Variants in MCFD2 observed in about 807,000 individuals in gnomAD.
The protein encoded by MCFD2 is multiple coagulation factor deficiency protein 2.
A neutral mutation model predicts 12.8 loss-of-function variants in MCFD2; 11 were observed. The observed-to-expected ratio is 0.86, with a 90% CI of 0.54 to 1.42. The LOEUF (loss-of-function observed/expected upper bound fraction) is 1.42. Among genes scored for constraint, MCFD2 ranks in the 40% most tolerant of loss-of-function variants. MCFD2 has a pLI of 0.00. For missense variants in MCFD2, 191 were observed against 178.6 expected (o/e 1.07, Z -0.40); for synonymous variants, 70 against 68.1 (o/e 1.03, Z -0.14).
rs1162799167 is a variant in MCFD2, at chr2:46,902,596, C to T, written c.*2867G>A. Reference sequence around the variant, plus strand: ...TAAAATACTGAAAATCTGAAAGAGTCATCACTTAAGCCAGTAGTGTATCAT... The same window carrying T: ...TAAAATACTGAAAATCTGAAAGAGTTATCACTTAAGCCAGTAGTGTATCAT... On this transcript the variant is annotated 3_prime_UTR_variant, in exon 4 of 4. Coordinates refer to ENST00000319466, the MANE Select transcript of MCFD2 (RefSeq NM_139279.6). 3 of 152,628 alleles carry T rather than the reference C, an allele frequency of 2.0e-5. No individual in the cohort carries two copies. Among genetic ancestry groups the T allele is most frequent in the African/African-American group, 4.8e-5 (2 of 41,446 alleles). The allele number at this position is 152,628 out of a possible 1,614,324, so 9.5% of individuals were successfully genotyped here. A position where few individuals can be genotyped will look rare whatever the true frequency, so the allele number is the denominator to read the frequency against.
intron 1 of MCFD2, among the ~76,000 whole-genome samples, chr2:46,927,689 G>A (rs951918711): frequency 6.6e-6 from 1 of 151,934 alleles, no homozygotes; most frequent in Non-Finnish European, 1.5e-5. Context: ...AGGAGCAACA[G>A]ACGGCTGACT....
chr2:46,907,516 G>A lies in MCFD2; in HGVS notation c.309+294C>T, dbSNP rs1002602401. 58 of 402,494 alleles carry A rather than the reference G, an allele frequency of 1.4e-4. No individual in the cohort carries two copies. The highest frequency in any genetic ancestry group is 8.6e-4 in the African/African-American group (42 of 48,598). The allele number at this position is 402,494 out of a possible 1,614,324, so 24.9% of individuals were successfully genotyped here. A position where few individuals can be genotyped will look rare whatever the true frequency, so the allele number is the denominator to read the frequency against. On this transcript the variant is annotated intron_variant, in intron 3 of 3. Transcript: ENST00000319466. The surrounding 1 kb of genome is among the most constrained non-coding windows in gnomAD (Gnocchi z 4.1). ...CCTCCCACCTTAGCCTCCTGAGTACGTAGAACTACGGGCATGCACTACCAG... is the reference window on the plus strand; with the variant it reads ...CCTCCCACCTTAGCCTCCTGAGTACATAGAACTACGGGCATGCACTACCAG...
At chr2:46,931,192 T>TG (rs1443504444) in intron 1 of MCFD2, among the ~76,000 whole-genome samples, 1 of 152,272 alleles carries the variant, frequency 6.6e-6, no homozygotes, top group African/African-American at 2.4e-5. Context: ...CATGGCTCAC[T>TG]GCAGCTTTCA....
At chr2:46,920,028 A>G (rs1220275142), upstream of MCFD2, among the ~76,000 whole-genome samples, 2 of 152,194 alleles carry the variant, frequency 1.3e-5, no homozygotes, top group Admixed American at 1.3e-4. Flanking sequence ...GAATTCAGAT[A>G]TACTATAAAC....
intron 1 of MCFD2, among the ~76,000 whole-genome samples, chr2:46,911,472 A>G (rs1296977875): frequency 6.6e-6 from 1 of 152,066 alleles, no homozygotes; most frequent in African/African-American, 2.4e-5. Flanking sequence ...AAAAAAAGCA[A>G]TATGTCATAC....
At chr2:46,928,159 C>G (rs549209197) in intron 1 of MCFD2, among the ~76,000 whole-genome samples, 1 of 151,542 alleles carries the variant, frequency 6.6e-6, no homozygotes, top group East Asian at 1.9e-4. Context: ...CCCAAAGTGC[C>G]GGGATTACAG....
intron 1 of MCFD2, among the ~76,000 whole-genome samples, chr2:46,931,735 A>G (rs1669719894): frequency 7.0e-6 from 1 of 143,612 alleles, no homozygotes; most frequent in African/African-American, 2.7e-5. Flanking sequence ...AAATTGATAA[A>G]TCCCTGTCAA....
rs1316427350 is a variant in MCFD2, at chr2:46,902,024, T to C, written c.*3439A>G. 12 of 152,716 alleles carry C rather than the reference T, an allele frequency of 7.9e-5. No individual in the cohort carries two copies. The highest frequency in any genetic ancestry group is 7.2e-4 in the Admixed American group (11 of 15,290). 9.5% of individuals were successfully genotyped at this position (152,716 alleles called of 1,614,324 possible). A position where few individuals can be genotyped will look rare whatever the true frequency, so the allele number is the denominator to read the frequency against. ...AACCATTTTTACAAATACATATGTT[T>C]TCTTATAATACTGTAATAAAGAAAA... On this transcript the variant is annotated 3_prime_UTR_variant, in exon 4 of 4. Coordinates refer to ENST00000319466, the MANE Select transcript of MCFD2 (RefSeq NM_139279.6).
At chr2:46,939,792 A>G (rs1373631594) in intron 1 of MCFD2, among the ~76,000 whole-genome samples, 2 of 152,174 alleles carry the variant, frequency 1.3e-5, no homozygotes, top group Admixed American at 6.5e-5. Context: ...GTGACCATCA[A>G]AGGCAGCCAA....
In MCFD2 at chr2:46,921,904, A is replaced by G. The variant is rs188984120; in HGVS notation, c.-7-13935T>C. Among the ~76,000 whole-genome samples the G allele has an allele frequency of 3.4e-3, 511 of 152,302 alleles. 4 individuals carry two copies. Among genetic ancestry groups the G allele is most frequent in the African/African-American group, 0.012 (482 of 41,552 alleles). On this transcript the variant is annotated intron_variant, in intron 1 of 2. Coordinates refer to the MCFD2 transcript ENST00000409147. ...ACAGGAGGCATAGCTCAGGTTGGTAATGCTCACTCGCCCACCCAGTGCTCA... is the reference window on the plus strand; with the variant it reads ...ACAGGAGGCATAGCTCAGGTTGGTAGTGCTCACTCGCCCACCCAGTGCTCA...
upstream of MCFD2, chr2:46,917,274 A>G (rs2103787449): frequency 1.5e-6 from 1 of 685,192 alleles, no homozygotes; most frequent in African/African-American, 1.8e-5. Context: ...CTGGGATTAC[A>G]GGGGTGAGCC....
chr2:46,923,336 T>G (rs919823824), intron 1 of MCFD2, among the ~76,000 whole-genome samples: 1 of 151,228 alleles, frequency 6.6e-6, no homozygotes, highest in African/African-American at 2.5e-5. Flanking sequence ...ACCTTGGTCT[T>G]TCCAGTAAAG....
Position 46,941,802 on chromosome 2 carries a change from C to A in MCFD2, c.-238G>T. ...GCCTCCTCCAGGAAGCGCGCCCAGA[C>A]AGTCCTCGGCCGACAGCGGGCGCCT... On this transcript the variant is annotated 5_prime_UTR_variant, in exon 1 of 3. Transcript: ENST00000409147. The surrounding 1 kb of genome is among the most constrained non-coding windows in gnomAD (Gnocchi z 4.2). 3 of 1,521,778 alleles carry A rather than the reference C, an allele frequency of 2.0e-6. No homozygotes were observed. The highest frequency in any genetic ancestry group is 2.7e-6 in the Non-Finnish European group (3 of 1,127,894). The allele number at this position is 1,521,778 out of a possible 1,614,324, so 94.3% of individuals were successfully genotyped here.
At chr2:46,928,876 G>A (rs1330700929) in intron 1 of MCFD2, among the ~76,000 whole-genome samples, 3 of 152,066 alleles carry the variant, frequency 2.0e-5, no homozygotes, top group African/African-American at 7.2e-5. Context: ...CATTTATTTT[G>A]AAATTTAAAA....
chr2:46,902,481 T>C lies in MCFD2; in HGVS notation c.*2982A>G, dbSNP rs368187483. 5.2e-5 allele frequency: 8 copies of C among 152,626 alleles called. No individual in the cohort carries two copies. The highest frequency in any genetic ancestry group is 1.9e-4 in the African/African-American group (8 of 41,444). The allele number at this position is 152,626 out of a possible 1,614,324, so 9.5% of individuals were successfully genotyped here. On this transcript the variant is annotated 3_prime_UTR_variant, in exon 4 of 4. Transcript: ENST00000319466. Reference sequence around the variant, plus strand: ...AATAGAAAAGAAAGCTAAACCACTATTGATTAGAGAACACACTCAAATTCA... The same window carrying C: ...AATAGAAAAGAAAGCTAAACCACTACTGATTAGAGAACACACTCAAATTCA...
chr2:46,939,573 C>G (rs1328335186), intron 1 of MCFD2, among the ~76,000 whole-genome samples: 1 of 152,194 alleles, frequency 6.6e-6, no homozygotes, highest in African/African-American at 2.4e-5. Context: ...AGGTGCTCTA[C>G]AACCTGGGGG....
At chr2:46,931,332 C>A (rs564624838) in intron 1 of MCFD2, among the ~76,000 whole-genome samples, 1 of 152,254 alleles carries the variant, frequency 6.6e-6, no homozygotes, top group Non-Finnish European at 1.5e-5. Context: ...GCAATCCTCT[C>A]GCCTCAGCTT....
Position 46,941,574 on chromosome 2 carries a change from G to A in MCFD2, c.-10C>T, listed in dbSNP as rs1476233072. On this transcript the variant is annotated splice_region_variant and 5_prime_UTR_variant, in exon 1 of 3. Transcript: ENST00000409147. This position sits in a 1 kb window ranked among gnomAD's most constrained non-coding sequence, Gnocchi z 4.2. Reference sequence around the variant, plus strand: ...CGAAGGGCGCGCACGGCTCCTACCTGAAGGTGGAGAGCGAGCTGGAGCGCT... The same window carrying A: ...CGAAGGGCGCGCACGGCTCCTACCTAAAGGTGGAGAGCGAGCTGGAGCGCT... 1.9e-6 allele frequency: 3 copies of A among 1,557,602 alleles called. No individual in the cohort carries two copies. The East Asian group carries it at 7.2e-5, about 38-fold the overall frequency.
Position 46,908,226 on chromosome 2 carries a change from AT to A in MCFD2, c.150-258del. Reference sequence around the variant, plus strand: ...TTTATTATTAGAATTTTGTTATAACATTTTCAGGCCATCAATTTAAAAATAT... The same window carrying A: ...TTTATTATTAGAATTTTGTTATAACATTTCAGGCCATCAATTTAAAAATAT... On this transcript the variant is annotated intron_variant, in intron 2 of 3. Transcript: ENST00000319466. This position sits in a 1 kb window ranked among gnomAD's most constrained non-coding sequence, Gnocchi z 4.5. The A allele has an allele frequency of 1.9e-6, 1 of 522,664 alleles. No individual in the cohort carries two copies. The allele number at this position is 522,664 out of a possible 1,614,324, so 32.4% of individuals were successfully genotyped here. A position where few individuals can be genotyped will look rare whatever the true frequency, so the allele number is the denominator to read the frequency against.
Sources: allele counts gnomAD v4.1 joint callset (sites outside exome capture counted in the v4.1 genomes callset), GRCh38; gene constraint gnomAD v4.1.1; non-coding constraint Gnocchi (gnomAD v3.1); transcripts MANE v1.5; gene names NCBI Gene and HGNC (gene_info 2026-07-23, HGNC 2026-07-21).